Variants in COL24A1 observed in about 807,000 individuals in gnomAD.
The protein encoded by COL24A1 is collagen alpha-1(XXIV) chain.
Under a neutral mutation model 253.9 loss-of-function variants are expected in COL24A1, and 224 were observed. That is an observed-to-expected ratio of 0.88 (90% confidence interval 0.79 to 0.99). The LOEUF (loss-of-function observed/expected upper bound fraction) is 0.99, where lower values mean the gene tolerates loss of function less well. Among genes scored for constraint, COL24A1 ranks in the 50% least tolerant of loss-of-function variants. COL24A1 has a pLI of 0.00. For missense variants in COL24A1, 2,131 were observed against 2,068.5 expected, an observed-to-expected ratio of 1.03 and a Z score of -0.59; for synonymous variants, 685 against 673.7, an observed-to-expected ratio of 1.02 and a Z score of -0.26.
At chr1:85,964,923 T>C (rs920669148) in intron 23 of COL24A1, 86 bp downstream of exon 23, 1 of 1,145,496 alleles carries the variant, frequency 8.7e-7, no homozygotes, top group Non-Finnish European at 1.3e-6. Flanking sequence ...TAAGTTGATG[T>C]GTTCATTTCA....
Position 85,784,134 on chromosome 1 carries a change from G to A in COL24A1, c.4200C>T (p.Phe1400=), listed in dbSNP as rs753134082. 6.2e-7 allele frequency: 1 copy of A among 1,613,594 alleles called. No individual in the cohort carries two copies. Among genetic ancestry groups the A allele is most frequent in the Non-Finnish European group, 8.5e-7 (1 of 1,179,702 alleles). The change falls in exon 50 of 60, where the codon TTC becomes TTT. Residue 1400 remains phenylalanine (F), a synonymous_variant. Transcript: ENST00000370571. ...ATACTTTAGGGCCTGGGAATCCTTG[G>A]AAACCTGTCAAACCTTGAACACCAT... The part of the protein sequence containing the change: ...GEYGVQGLTG[F]QGFPGPKGPE...
In COL24A1 at chr1:85,729,743, TA is replaced by T. The variant is rs1452420535; in HGVS notation, c.*802del. 7 of 152,504 alleles carry T rather than the reference TA, an allele frequency of 4.6e-5. No individual in the cohort carries two copies. The highest frequency in any genetic ancestry group is 1.2e-4 in the African/African-American group (5 of 41,406). The allele number at this position is 152,504 out of a possible 1,614,324, so 9.4% of individuals were successfully genotyped here. On this transcript the variant is annotated 3_prime_UTR_variant, in exon 60 of 60. Coordinates refer to ENST00000370571, the MANE Select transcript of COL24A1 (RefSeq NM_152890.7). ...GCCTATAATAATTTTTACAACAATT[TA>T]AAAAATAAAACAAAAACAAAGAAAT...
chr1:85,790,682 T>C (rs1343621904), intron 47 of COL24A1, among the ~76,000 whole-genome samples: 1 of 152,138 alleles, frequency 6.6e-6, no homozygotes, highest in Non-Finnish European at 1.5e-5. Flanking sequence ...GCACATGCTA[T>C]CATATCAAAG....
intron 18 of COL24A1, among the ~76,000 whole-genome samples, chr1:86,020,490 T>A (rs766778671): frequency 7.9e-5 from 12 of 152,188 alleles, no homozygotes; most frequent in Admixed American, 5.2e-4. Flanking sequence ...GCCAATGATT[T>A]TTTTACTCCC....
chr1:85,969,620 A>C (rs1691940573), intron 22 of COL24A1, among the ~76,000 whole-genome samples: 1 of 148,162 alleles, frequency 6.7e-6, no homozygotes. Context: ...AAAAAAAAAA[A>C]AAAAAAAAAA....
At chr1:85,908,559 A>G (rs373983492) in intron 27 of COL24A1, 39 bp downstream of exon 27, 21 of 1,150,560 alleles carry the variant, frequency 1.8e-5, no homozygotes, top group African/African-American at 1.1e-4. Flanking sequence ...ATTAAAGTAA[A>G]CATTCCGGAA....
chr1:86,134,560 G>A (rs1331130440), intron 2 of COL24A1, among the ~76,000 whole-genome samples: 3 of 149,614 alleles, frequency 2.0e-5, no homozygotes, highest in Non-Finnish European at 3.0e-5. Flanking sequence ...CTTGGTTCTC[G>A]TTGGTTTCAA....
chr1:86,028,943 C>A (rs1488005778), intron 14 of COL24A1, among the ~76,000 whole-genome samples: 1 of 152,092 alleles, frequency 6.6e-6, no homozygotes, highest in African/African-American at 2.4e-5. Flanking sequence ...AAGAACTAAA[C>A]CAGACTAGAT....
intron 24 of COL24A1, among the ~76,000 whole-genome samples, chr1:85,923,704 C>T (rs1052737756): frequency 1.3e-5 from 2 of 152,030 alleles, no homozygotes; most frequent in Non-Finnish European, 2.9e-5. Context: ...ACTAAATGCC[C>T]ACAAGAGAAA....
At chr1:85,927,092 T>C (rs1030699949) in intron 24 of COL24A1, among the ~76,000 whole-genome samples, 2 of 151,752 alleles carry the variant, frequency 1.3e-5, no homozygotes, top group African/African-American at 2.4e-5. Flanking sequence ...GACGGCCGAA[T>C]AGGAACAGCT....
intron 5 of COL24A1, among the ~76,000 whole-genome samples, chr1:86,109,596 A>C (rs4912463): frequency 0.72 from 108,972 of 151,972 alleles, 40,108 homozygotes; most frequent in Non-Finnish European, 0.79. Context: ...GACTCCAAAA[A>C]TTCTATTCTT....
intron 40 of COL24A1, 52 bp from the exon 41 acceptor site, chr1:85,842,173 T>A (rs767281301): frequency 2.6e-6 from 4 of 1,552,878 alleles, no homozygotes; most frequent in Non-Finnish European, 3.6e-6. Flanking sequence ...ATATTAGATA[T>A]TGCATTATTC....
At chr1:86,052,745 T>C (rs191777944) in intron 10 of COL24A1, among the ~76,000 whole-genome samples, 85 of 152,192 alleles carry the variant, frequency 5.6e-4, no homozygotes, top group African/African-American at 1.9e-3. Context: ...TTATGTTATA[T>C]ATATTTTATG....
At chr1:86,062,941 G>A (rs893865808) in intron 8 of COL24A1, among the ~76,000 whole-genome samples, 1 of 151,922 alleles carries the variant, frequency 6.6e-6, no homozygotes, top group Non-Finnish European at 1.5e-5. Flanking sequence ...TTTCTTCCTG[G>A]ATCTCCCTTT....
intron 35 of COL24A1, among the ~76,000 whole-genome samples, chr1:85,873,089 C>T (rs1213677216): frequency 6.6e-6 from 1 of 152,130 alleles, no homozygotes. Context: ...AAAAAATGCT[C>T]ATCATCACTG....
intron 3 of COL24A1, among the ~76,000 whole-genome samples, chr1:86,118,418 A>G (rs1420617363): frequency 1.3e-5 from 2 of 152,174 alleles, no homozygotes; most frequent in Non-Finnish European, 2.9e-5. Flanking sequence ...TAAATGTTAG[A>G]TATTATTATT....
In COL24A1 at chr1:85,816,806, T is replaced by C. The variant is rs548643004; in HGVS notation, c.3933A>G (p.Pro1311=). The part of the protein sequence containing the change: ...ISGNPGKIGP[P]GKQGLPGIRG... ...TACTCACAGGAAGTCCCTGTTTTCCTGGTGGCCCAATTTTTCCAGGGTTTC... is the reference window on the plus strand; with the variant it reads ...TACTCACAGGAAGTCCCTGTTTTCCCGGTGGCCCAATTTTTCCAGGGTTTC... The change falls in exon 47 of 60, where the codon CCA becomes CCG. Residue 1311 remains proline (P), a synonymous_variant. Coordinates refer to ENST00000370571, the MANE Select transcript of COL24A1 (RefSeq NM_152890.7). 1 of 1,613,926 alleles carries C rather than the reference T, an allele frequency of 6.2e-7. No individual in the cohort carries two copies. Among genetic ancestry groups the C allele is most frequent in the South Asian group, 1.1e-5 (1 of 91,084 alleles).
Position 85,991,374 on chromosome 1 carries a change from T to C in COL24A1, c.2311-3720A>G, listed in dbSNP as rs554740655. 2.0e-5 allele frequency among the ~76,000 whole-genome samples: 3 copies of C among 152,304 alleles called. No individual in the cohort carries two copies. In the East Asian group the frequency reaches 5.8e-4, roughly 29 times the overall value. On this transcript the variant is annotated intron_variant, in intron 19 of 59. Transcript: ENST00000370571. ...GGAAATAAAACAAATAAGCCTAAAT[T>C]ATAGTTTTTAAAGATGCACACTTGT...
At chr1:85,954,685 T>C (rs1329680791) in intron 24 of COL24A1, among the ~76,000 whole-genome samples, 1 of 152,180 alleles carries the variant, frequency 6.6e-6, no homozygotes, top group African/African-American at 2.4e-5. Context: ...ATCATGGATA[T>C]ACATTTCATA....
Sources: gnomAD v4.1 joint callset for allele counts (sites outside exome capture counted in the v4.1 genomes callset) on GRCh38, gnomAD v4.1.1 for gene constraint, MANE v1.5 for transcripts, NCBI Gene and HGNC (gene_info 2026-07-23, HGNC 2026-07-21) for gene names.